The following ST3GAL3 variants were observed in gnomAD, a reference collection of about 807,000 sequenced individuals.
The protein encoded by ST3GAL3 is CMP-N-acetylneuraminate-beta-1,4-galactoside alpha-2,3-sialyltransferase.
Under a neutral mutation model 50.1 loss-of-function variants are expected in ST3GAL3, and 21 were observed. The observed-to-expected ratio is 0.42, with a 90% CI of 0.30 to 0.60. The LOEUF is 0.60. ST3GAL3 is among the 20% of genes least tolerant of loss of function. The pLI, the probability that ST3GAL3 is intolerant of heterozygous loss-of-function variation, is 0.19. For missense variants in ST3GAL3, 353 were observed against 489.4 expected, an observed-to-expected ratio of 0.72 and a Z score of 2.63; for synonymous variants, 183 against 190.0, an observed-to-expected ratio of 0.96 and a Z score of 0.30.
chr1:43,801,632 AT>A (rs11400892), intron 3 of ST3GAL3: 83,732 of 214,978 alleles, frequency 0.39, 10,908 homozygotes, highest in East Asian at 0.53. Context: ...AACATTTGTG[AT>A]TTTTTTTTTT....
In ST3GAL3 at chr1:43,820,105, C is replaced by CA. The variant is rs1246598021; in HGVS notation, c.209+5173dup. On this transcript the variant is annotated intron_variant, in intron 4 of 11. Coordinates refer to ENST00000347631, the MANE Select transcript of ST3GAL3 (RefSeq NM_006279.5). ...ACTAAACATGATACTGCTACAAAAACAGACACATAGACCAATGGAACATAA... is the reference window on the plus strand; with the variant it reads ...ACTAAACATGATACTGCTACAAAAACAAGACACATAGACCAATGGAACATAA... 2.6e-5 allele frequency among the ~76,000 whole-genome samples: 4 copies of CA among 152,098 alleles called. No homozygotes were observed. In the East Asian group the frequency reaches 7.7e-4, roughly 29 times the overall value.
intron 3 of ST3GAL3, among the ~76,000 whole-genome samples, chr1:43,808,379 A>G (rs1316735636): frequency 6.6e-6 from 1 of 151,892 alleles, no homozygotes; most frequent in Non-Finnish European, 1.5e-5. Flanking sequence ...GGCGCAATGG[A>G]AAGATAATTG....
At chr1:43,713,334 A>G (rs954114526) in intron 1 of ST3GAL3, among the ~76,000 whole-genome samples, 1 of 152,180 alleles carries the variant, frequency 6.6e-6, no homozygotes, top group Non-Finnish European at 1.5e-5. Context: ...CTACCTTGCC[A>G]GGTTGCTCTG....
intron 2 of ST3GAL3, among the ~76,000 whole-genome samples, chr1:43,765,796 C>CGTCCGCGT (rs1692599959): frequency 6.9e-6 from 1 of 145,810 alleles, no homozygotes; most frequent in Non-Finnish European, 1.5e-5. Context: ...CGCGCGCGCG[C>CGTCCGCGT]GCGCGTCCGC....
intron 9 of ST3GAL3, among the ~76,000 whole-genome samples, chr1:43,903,306 A>C (rs1243957759): frequency 6.6e-6 from 1 of 152,120 alleles, no homozygotes; most frequent in Non-Finnish European, 1.5e-5. Flanking sequence ...TCTGGAGAGG[A>C]CAGGACATGT....
intron 4 of ST3GAL3, chr1:43,831,562 AAAC>A (rs2063553429): frequency 1.3e-5 from 2 of 152,256 alleles, no homozygotes; most frequent in African/African-American, 4.8e-5. Context: ...CTCCTGCCAC[AAAC>A]AACAAGTATC....
intron 5 of ST3GAL3, among the ~76,000 whole-genome samples, chr1:43,847,295 G>A (rs2066416246): frequency 6.6e-6 from 1 of 152,154 alleles, no homozygotes; most frequent in Non-Finnish European, 1.5e-5. Flanking sequence ...TTCCACTTCT[G>A]GGTATATACC....
chr1:43,719,909 A>G (rs1463681634), intron 1 of ST3GAL3, among the ~76,000 whole-genome samples: 14 of 131,280 alleles, frequency 1.1e-4, no homozygotes, highest in Non-Finnish European at 1.9e-4. Context: ...TTCCAGCCTG[A>G]GCAACAGAGC....
chr1:43,890,364 T>A (rs1392105093), intron 5 of ST3GAL3, among the ~76,000 whole-genome samples: 1 of 152,124 alleles, frequency 6.6e-6, no homozygotes, highest in East Asian at 1.9e-4. Context: ...TGGTTGACAG[T>A]ACTATTTTTT....
chr1:43,805,393 T>G (rs2059756388), intron 3 of ST3GAL3, among the ~76,000 whole-genome samples: 2 of 152,222 alleles, frequency 1.3e-5, no homozygotes, highest in African/African-American at 4.8e-5. Context: ...AGCAGTTCCC[T>G]GAAGGAAACC....
chr1:43,848,462 C>T (rs1233433891), intron 5 of ST3GAL3, among the ~76,000 whole-genome samples: 2 of 151,836 alleles, frequency 1.3e-5, no homozygotes, highest in African/African-American at 4.8e-5. Context: ...TGCGCCACCA[C>T]ACCTGGCTAA....
At chr1:43,928,876 A>G in intron 11 of ST3GAL3, among the ~76,000 whole-genome samples, 1 of 151,996 alleles carries the variant, frequency 6.6e-6, no homozygotes, top group African/African-American at 2.4e-5. Flanking sequence ...ACCACTGCAC[A>G]CCAGCCTGGG....
At chr1:43,846,720 A>G (rs2066317120) in intron 5 of ST3GAL3, among the ~76,000 whole-genome samples, 1 of 152,156 alleles carries the variant, frequency 6.6e-6, no homozygotes, top group South Asian at 2.1e-4. Context: ...GCTGGTCTCA[A>G]ATTCCTGTGC....
intron 4 of ST3GAL3, among the ~76,000 whole-genome samples, chr1:43,815,883 T>TTGGA (rs3838469): frequency 0.26 from 38,144 of 145,252 alleles, 5,272 homozygotes; most frequent in East Asian, 0.42. Flanking sequence ...GAATGCTTGG[T>TTGGA]TGGATGGATG....
At chr1:43,832,719 A>G (rs2063710443) in intron 4 of ST3GAL3, among the ~76,000 whole-genome samples, 5 of 152,204 alleles carry the variant, frequency 3.3e-5, no homozygotes, top group Admixed American at 3.3e-4. Context: ...AAAAAAAATT[A>G]AAGTGAAAAT....
At chr1:43,759,804 A>G (rs763198660) in intron 2 of ST3GAL3, among the ~76,000 whole-genome samples, 88 of 152,336 alleles carry the variant, frequency 5.8e-4, no homozygotes, top group Non-Finnish European at 7.5e-4. Flanking sequence ...AATTTTACTT[A>G]AAAATGTTAT....
At chr1:43,725,046 G>A (rs1219905275) in intron 1 of ST3GAL3, among the ~76,000 whole-genome samples, 1 of 152,230 alleles carries the variant, frequency 6.6e-6, no homozygotes, top group African/African-American at 2.4e-5. Flanking sequence ...CTAGCACATA[G>A]TGTTTGTCCT....
At chr1:43,927,604 T>A (rs2352990) in intron 11 of ST3GAL3, among the ~76,000 whole-genome samples, 101,651 of 151,952 alleles carry the variant, frequency 0.67, 35,548 homozygotes, top group Non-Finnish European at 0.78. Context: ...TGGCCTTGTC[T>A]TTCCTCCAAG....
intron 2 of ST3GAL3, among the ~76,000 whole-genome samples, chr1:43,757,686 A>T (rs575713893): frequency 4.6e-5 from 7 of 152,320 alleles, no homozygotes; most frequent in Admixed American, 4.6e-4. Context: ...AGACTAAAAA[A>T]CGCATAGAAC....
Sources: gnomAD v4.1 joint callset for allele counts (sites outside exome capture counted in the v4.1 genomes callset) on GRCh38, gnomAD v4.1.1 for gene constraint, MANE v1.5 for transcripts, NCBI Gene and HGNC (gene_info 2026-07-23, HGNC 2026-07-21) for gene names.